Variants in PUM2 observed in about 807,000 individuals in gnomAD.
PUM2 encodes the protein pumilio homolog 2.
PUM2 carries 57 observed loss-of-function variants against 124.5 expected under a neutral mutation model. The observed-to-expected ratio is 0.46, with a 90% CI of 0.37 to 0.57. The LOEUF is 0.57. PUM2 is among the 20% of genes least tolerant of loss of function. The pLI is 0.00. For missense variants in PUM2, 1,065 were observed against 1,290.6 expected, an observed-to-expected ratio of 0.83 and a Z score of 2.68; for synonymous variants, 460 against 446.1, an observed-to-expected ratio of 1.03 and a Z score of -0.39.
chr2:20,305,969 C>T (rs1449348287), intron 7 of PUM2, among the ~76,000 whole-genome samples: 1 of 152,088 alleles, frequency 6.6e-6, no homozygotes, highest in African/African-American at 2.4e-5. Flanking sequence ...GCCTGTAATC[C>T]CAGCACTTTG....
At position 20,337,745 on chromosome 2, in the gene PUM2, C is replaced by G. The variant is rs1011538062; in HGVS notation, c.-18-10367G>C. On this transcript the variant is annotated intron_variant, in intron 1 of 20. Transcript: ENST00000361078. ...TTGGCTTATTACTTCCTCAAACATA[C>G]TTTTGACTAGCGTATGAAAAATTTT... Among the ~76,000 whole-genome samples the G allele has an allele frequency of 1.1e-4, 17 of 152,288 alleles. No homozygotes were observed. The East Asian group carries it at 3.1e-3, about 28-fold the overall frequency.
At chr2:20,305,848 T>C (rs139975498) in intron 7 of PUM2, among the ~76,000 whole-genome samples, 2 of 152,138 alleles carry the variant, frequency 1.3e-5, no homozygotes, top group East Asian at 3.9e-4. Flanking sequence ...CAAACCCCTA[T>C]GAGAAAAATT....
intron 1 of PUM2, among the ~76,000 whole-genome samples, chr2:20,328,780 T>C (rs896408878): frequency 2.6e-5 from 4 of 151,758 alleles, no homozygotes; most frequent in Non-Finnish European, 4.4e-5. Flanking sequence ...AATAGGAAAA[T>C]AGTGGAAAAA....
intron 13 of PUM2, among the ~76,000 whole-genome samples, chr2:20,273,201 C>T (rs975354483): frequency 2.6e-5 from 4 of 152,172 alleles, no homozygotes; most frequent in Admixed American, 2.0e-4. Flanking sequence ...TGGGACGAAA[C>T]TATTTTTGTG....
chr2:20,329,702 C>T (rs759249827), intron 1 of PUM2, among the ~76,000 whole-genome samples: 35 of 152,056 alleles, frequency 2.3e-4, no homozygotes, highest in Non-Finnish European at 4.4e-4. Flanking sequence ...AGGGTTACAG[C>T]GGGCCATTTC....
At chr2:20,278,266 C>G (rs1410354089) in intron 13 of PUM2, among the ~76,000 whole-genome samples, 3 of 152,004 alleles carry the variant, frequency 2.0e-5, no homozygotes, top group African/African-American at 4.8e-5. Context: ...ATTTCTCTTT[C>G]ACTATTATGT....
Position 20,309,577 on chromosome 2 carries a change from C to T in PUM2, c.519-993G>A, listed in dbSNP as rs183907917. Reference sequence around the variant, plus strand: ...TTACATTTCTAGCCCATTATCAATCCTCATTTATAGCTTATCTTATACATA... The same window carrying T: ...TTACATTTCTAGCCCATTATCAATCTTCATTTATAGCTTATCTTATACATA... On this transcript the variant is annotated intron_variant, in intron 5 of 20. Coordinates refer to ENST00000361078, the MANE Select transcript of PUM2 (RefSeq NM_015317.5). Among the ~76,000 whole-genome samples, 510 of 152,186 alleles carry T rather than the reference C, an allele frequency of 3.4e-3. 3 individuals carry two copies. Among genetic ancestry groups the T allele is most frequent in the Non-Finnish European group, 4.0e-3 (272 of 67,968 alleles).
intron 7 of PUM2, among the ~76,000 whole-genome samples, chr2:20,298,277 C>T (rs1676116814): frequency 6.6e-6 from 1 of 152,178 alleles, no homozygotes; most frequent in African/African-American, 2.4e-5. Flanking sequence ...TAAAATAAAA[C>T]TGGAGGTATA....
intron 11 of PUM2, 46 bp from the exon 12 acceptor site, chr2:20,283,277 C>T: frequency 6.2e-7 from 1 of 1,606,180 alleles, no homozygotes; most frequent in Non-Finnish European, 8.5e-7. Context: ...CCAGAAAATT[C>T]TGTATTTTAA....
chr2:20,300,661 T>C (rs1676750868), intron 7 of PUM2, among the ~76,000 whole-genome samples: 1 of 152,060 alleles, frequency 6.6e-6, no homozygotes, highest in Non-Finnish European at 1.5e-5. Flanking sequence ...CCACTCAGGT[T>C]AGTGAAAGGA....
intron 1 of PUM2, among the ~76,000 whole-genome samples, chr2:20,338,294 G>A (rs942472521): frequency 5.3e-5 from 8 of 152,188 alleles, no homozygotes; most frequent in Non-Finnish European, 1.2e-4. Context: ...CTACTCAGGA[G>A]GCTGAGGCAA....
chr2:20,305,065 T>G (rs1217334152), intron 7 of PUM2, among the ~76,000 whole-genome samples: 1 of 152,178 alleles, frequency 6.6e-6, no homozygotes, highest in Non-Finnish European at 1.5e-5. Flanking sequence ...TGGGGTCAAT[T>G]TTGATACACT....
chr2:20,264,394 A>ATATATATT (rs1268744692), intron 13 of PUM2, among the ~76,000 whole-genome samples: 2 of 121,234 alleles, frequency 1.6e-5, no homozygotes, highest in Non-Finnish European at 3.5e-5. Context: ...ATATATATAT[A>ATATATATT]TATTTGACAT....
intron 3 of PUM2, 69 bp from the exon 4 acceptor site, chr2:20,312,492 A>T (rs1333957406): frequency 1.5e-6 from 2 of 1,359,060 alleles, no homozygotes; most frequent in Non-Finnish European, 2.0e-6. Context: ...TTAAATTAAT[A>T]TACTGAAGTA....
intron 1 of PUM2, among the ~76,000 whole-genome samples, chr2:20,343,291 G>A (rs1687585711): frequency 6.6e-6 from 1 of 152,064 alleles, no homozygotes; most frequent in African/African-American, 2.4e-5. Flanking sequence ...CTACTCAAGA[G>A]GCTGAGGTGG....
At chr2:20,264,720 G>A (rs532511349) in intron 13 of PUM2, among the ~76,000 whole-genome samples, 8 of 152,198 alleles carry the variant, frequency 5.3e-5, no homozygotes, top group African/African-American at 1.4e-4. Context: ...AATCTATGCA[G>A]AGTAGTACTA....
At chr2:20,265,138 G>A (rs935823185) in intron 13 of PUM2, among the ~76,000 whole-genome samples, 4 of 151,806 alleles carry the variant, frequency 2.6e-5, no homozygotes, top group African/African-American at 9.7e-5. Flanking sequence ...TGTAATCCCA[G>A]CTACTCAGGA....
chr2:20,273,196 C>A (rs1239616455), intron 13 of PUM2, among the ~76,000 whole-genome samples: 1 of 152,118 alleles, frequency 6.6e-6, no homozygotes, highest in Non-Finnish European at 1.5e-5. Context: ...TTCAGTGGGA[C>A]GAAACTATTT....
rs567329667 is a variant in PUM2, at chr2:20,343,188, T to C, written c.-19+7409A>G. Among the ~76,000 whole-genome samples, 24 of 152,126 alleles carry C rather than the reference T, an allele frequency of 1.6e-4. No homozygotes were observed. The South Asian group carries it at 4.8e-3, about 30-fold the overall frequency. On this transcript the variant is annotated intron_variant, in intron 1 of 20. Coordinates refer to ENST00000361078, the MANE Select transcript of PUM2 (RefSeq NM_015317.5). The stretch of plus-strand genomic sequence containing the variant: ...AACTTACTTTATTCACTTAAGCAAA[T>C]GTTTGGAAGACGGCAGACTATCTTA...
Sources: allele counts gnomAD v4.1 joint callset (sites outside exome capture counted in the v4.1 genomes callset), GRCh38; gene constraint gnomAD v4.1.1; transcripts MANE v1.5; gene names NCBI Gene and HGNC (gene_info 2026-07-23, HGNC 2026-07-21).